The following FCHSD2 variants were observed in gnomAD, a reference collection of about 807,000 sequenced individuals.
FCHSD2 encodes FCH and double SH3 domains 2.
A neutral mutation model predicts 108.1 loss-of-function variants in FCHSD2; 38 were observed. That is an observed-to-expected ratio of 0.35 (90% CI 0.27 to 0.46). FCHSD2 has a LOEUF of 0.46. FCHSD2 is among the 20% of genes least tolerant of loss of function. The probability of loss-of-function intolerance (pLI) is 1.00; values close to 1 mark genes in which losing one functional copy is unlikely to be tolerated. For synonymous variants in FCHSD2, 279 were observed against 314.7 expected, an observed-to-expected ratio of 0.89 and a Z score of 1.20; for missense variants, 751 against 897.8, an observed-to-expected ratio of 0.84 and a Z score of 2.09.
At chr11:72,870,172 A>T (rs1220220573) in intron 12 of FCHSD2, among the ~76,000 whole-genome samples, 1 of 152,050 alleles carries the variant, frequency 6.6e-6, no homozygotes, top group East Asian at 1.9e-4. Context: ...CCTTTCCACA[A>T]AGATTTTTCT....
intron 3 of FCHSD2, among the ~76,000 whole-genome samples, chr11:73,050,127 C>A (rs940463851): frequency 1.3e-5 from 2 of 152,134 alleles, no homozygotes; most frequent in African/African-American, 4.8e-5. Context: ...AGGGCAACTA[C>A]CCTAATATAC....
intron 8 of FCHSD2, among the ~76,000 whole-genome samples, chr11:72,975,254 T>C (rs1377714408): frequency 6.6e-6 from 1 of 152,230 alleles, no homozygotes; most frequent in Non-Finnish European, 1.5e-5. Flanking sequence ...ATCTTAGCTA[T>C]TGTGAATAGT....
chr11:72,974,257 C>A (rs1332187610), intron 8 of FCHSD2, among the ~76,000 whole-genome samples: 3 of 152,116 alleles, frequency 2.0e-5, no homozygotes, highest in Admixed American at 1.3e-4. Flanking sequence ...TGGTAGAAAG[C>A]AGAAGAGCAA....
intron 4 of FCHSD2, among the ~76,000 whole-genome samples, chr11:73,006,571 G>A (rs80285823): frequency 6.6e-6 from 1 of 152,226 alleles, no homozygotes; most frequent in African/African-American, 2.4e-5. Context: ...CTTATGCCTA[G>A]ATTACTGCAA....
At position 72,864,520 on chromosome 11, in the gene FCHSD2, T is replaced by C. The variant is rs1854680857; in HGVS notation, c.1308+3345A>G. Among the ~76,000 whole-genome samples, 4 of 152,324 alleles carry C rather than the reference T, an allele frequency of 2.6e-5. 1 individual carries two copies. In the South Asian group the frequency reaches 8.3e-4, roughly 32 times the overall value. On this transcript the variant is annotated intron_variant, in intron 13 of 19. Coordinates refer to ENST00000409418, the MANE Select transcript of FCHSD2 (RefSeq NM_014824.3). ...TCAACAGCACCACTGCACTCCAGCC[T>C]GGGCGATAGAGGGAGACCATCTCCA...
At chr11:72,926,645 T>A (rs1197364316) in intron 8 of FCHSD2, among the ~76,000 whole-genome samples, 3 of 152,124 alleles carry the variant, frequency 2.0e-5, no homozygotes, top group Non-Finnish European at 4.4e-5. Context: ...CTCTGAGCTG[T>A]TTTAACAGTA....
chr11:73,028,059 C>T (rs943412905), intron 3 of FCHSD2, among the ~76,000 whole-genome samples: 1 of 152,226 alleles, frequency 6.6e-6, no homozygotes, highest in African/African-American at 2.4e-5. Context: ...TAGGGCACTA[C>T]AGAGGGGAAA....
chr11:73,044,006 T>C (rs555109778), intron 3 of FCHSD2, among the ~76,000 whole-genome samples: 142 of 152,352 alleles, frequency 9.3e-4, no homozygotes, highest in Non-Finnish European at 1.7e-3. Flanking sequence ...AATTTCTTTT[T>C]ATAAGCCTCA....
At position 72,843,270 on chromosome 11, in the gene FCHSD2, G is replaced by A; in HGVS notation, c.1586C>T (p.Thr529Ile). The change falls in exon 16 of 20, where the codon ACC becomes ATC. Residue 529 changes from threonine to isoleucine, a missense_variant. Transcript: ENST00000409418. ...YVPEKYLQFP[T>I]SNSLLSMLQS... is the part of the protein sequence containing the mutation. ...CAGCATGCTCAGGAGGCTGTTCGAGGTGGGAAACTGTAGGTACTTTTCTGG... is the reference window on the plus strand; with the variant it reads ...CAGCATGCTCAGGAGGCTGTTCGAGATGGGAAACTGTAGGTACTTTTCTGG... 1.2e-6 allele frequency: 2 copies of A among 1,614,016 alleles called. No individual in the cohort carries two copies. Among genetic ancestry groups the A allele is most frequent in the African/African-American group, 1.3e-5 (1 of 75,046 alleles).
chr11:72,965,372 C>T (rs1051522679), intron 8 of FCHSD2, among the ~76,000 whole-genome samples: 6 of 152,154 alleles, frequency 3.9e-5, no homozygotes, highest in Admixed American at 1.3e-4. Flanking sequence ...CTTCTATGCA[C>T]TAAAACACAG....
intron 18 of FCHSD2, among the ~76,000 whole-genome samples, 176 bp downstream of exon 18, chr11:72,841,278 C>T (rs1463173059): frequency 1.4e-5 from 2 of 142,710 alleles, no homozygotes; most frequent in Admixed American, 1.5e-4. Context: ...TTGCTATGAG[C>T]CGTGATCATG....
At chr11:72,961,478 ACTC>A (rs1179599439) in intron 8 of FCHSD2, among the ~76,000 whole-genome samples, 1 of 151,100 alleles carries the variant, frequency 6.6e-6, no homozygotes, top group African/African-American at 2.4e-5. Context: ...CTGATATTGA[ACTC>A]CTGGCCTCAA....
intron 3 of FCHSD2, among the ~76,000 whole-genome samples, chr11:73,049,522 T>G (rs1419028606): frequency 1.8e-5 from 2 of 109,612 alleles, no homozygotes; most frequent in African/African-American, 7.2e-5. Context: ...TATCACACTC[T>G]GGGGACTGTG....
chr11:72,854,168 C>G (rs2135177413), intron 13 of FCHSD2, among the ~76,000 whole-genome samples: 1 of 152,292 alleles, frequency 6.6e-6, no homozygotes, highest in East Asian at 1.9e-4. Context: ...AAAACAGTAA[C>G]ATGTTTCTTC....
intron 4 of FCHSD2, among the ~76,000 whole-genome samples, chr11:73,006,251 CCTAA>C (rs1857739325): frequency 6.6e-6 from 1 of 152,072 alleles, no homozygotes; most frequent in African/African-American, 2.4e-5. Flanking sequence ...TTCCCTAAAC[CCTAA>C]CTGCCTGTTC....
chr11:72,863,784 C>T (rs914373956), intron 13 of FCHSD2, among the ~76,000 whole-genome samples: 1 of 152,148 alleles, frequency 6.6e-6, no homozygotes, highest in African/African-American at 2.4e-5. Flanking sequence ...CAATGATTTA[C>T]AACATCACAC....
At chr11:72,864,969 T>C (rs551489387) in intron 13 of FCHSD2, among the ~76,000 whole-genome samples, 1 of 152,200 alleles carries the variant, frequency 6.6e-6, no homozygotes, top group Admixed American at 6.5e-5. Context: ...GGATTCCTTT[T>C]TTCCAATCTT....
At chr11:73,004,934 A>G (rs1857708505) in intron 4 of FCHSD2, among the ~76,000 whole-genome samples, 2 of 152,324 alleles carry the variant, frequency 1.3e-5, no homozygotes, top group South Asian at 4.1e-4. Flanking sequence ...CAATGTCCAC[A>G]TGTTCCCACC....
chr11:72,854,920 G>A (rs1054091815), intron 13 of FCHSD2, among the ~76,000 whole-genome samples: 9 of 147,970 alleles, frequency 6.1e-5, no homozygotes, highest in African/African-American at 2.3e-4. Context: ...GGCAGATCAC[G>A]TAAGGTCAGG....
Sources: gnomAD v4.1 joint callset for allele counts (sites outside exome capture counted in the v4.1 genomes callset) on GRCh38, gnomAD v4.1.1 for gene constraint, MANE v1.5 for transcripts, NCBI Gene and HGNC (gene_info 2026-07-23, HGNC 2026-07-21) for gene names.